TJP1: variants seen among roughly 807,000 people sequenced by gnomAD.
TJP1 encodes tight junction protein ZO-1.
Under a neutral mutation model 194.2 loss-of-function variants are expected in TJP1, and 43 were observed. The observed-to-expected ratio is 0.22, with a 90% confidence interval of 0.17 to 0.29. The LOEUF is 0.29. TJP1 is among the 10% of genes least tolerant of loss of function. The probability of loss-of-function intolerance (pLI) is 1.00; values close to 1 mark genes in which losing one functional copy is unlikely to be tolerated. For synonymous variants in TJP1, 801 were observed against 779.0 expected, an observed-to-expected ratio of 1.03 and a Z score of -0.47; for missense variants, 1,971 against 2,185.7, an observed-to-expected ratio of 0.90 and a Z score of 1.96.
intron 1 of TJP1, among the ~76,000 whole-genome samples, chr15:29,811,716 T>C (rs1021444816): frequency 1.3e-5 from 2 of 150,876 alleles, no homozygotes; most frequent in African/African-American, 4.8e-5. Context: ...TCTGAAACCA[T>C]AAAACATCTT....
chr15:29,950,114 TCCACAACCACC>T lies in TJP1; in HGVS notation c.306+6107_306+6117del, dbSNP rs2055650338. 2.9e-4 allele frequency among the ~76,000 whole-genome samples: 5 copies of T among 17,368 alleles called. 1 individual carries two copies. The highest frequency in any genetic ancestry group is 4.4e-3 in the South Asian group (2 of 458). 11.4% of individuals were successfully genotyped at this position (17,368 alleles called of 152,430 possible). The stretch of plus-strand genomic sequence containing the variant: ...CACCACCACCTCCACCACCACCACC[TCCACAACCACC>T]ACCTCCACCACCACCACAACCACCA... On this transcript the variant is annotated intron_variant, in intron 2 of 28. Transcript: ENST00000356107.
intron 2 of TJP1, among the ~76,000 whole-genome samples, chr15:29,847,066 A>G (rs2051440310): frequency 6.6e-6 from 1 of 152,220 alleles, no homozygotes; most frequent in African/African-American, 2.4e-5. Flanking sequence ...GCAAAGCAAC[A>G]TAGTACAAAA....
intron 2 of TJP1, among the ~76,000 whole-genome samples, chr15:29,905,646 G>A (rs2053783070): frequency 6.6e-6 from 1 of 152,084 alleles, no homozygotes; most frequent in Admixed American, 6.6e-5. Flanking sequence ...AACAAACTGT[G>A]GTACATTTAT....
intron 2 of TJP1, among the ~76,000 whole-genome samples, chr15:29,890,713 TCA>T (rs2053276138): frequency 6.6e-6 from 1 of 152,266 alleles, no homozygotes; most frequent in East Asian, 1.9e-4. Flanking sequence ...CTCTAGTCCT[TCA>T]CAGAGGACTT....
intron 2 of TJP1, among the ~76,000 whole-genome samples, chr15:29,928,720 G>T (rs564705954): frequency 6.6e-6 from 1 of 152,146 alleles, no homozygotes; most frequent in African/African-American, 2.4e-5. Flanking sequence ...AAGGCGGGCA[G>T]ATCACGAGGT....
At chr15:29,940,745 T>C (rs2055043680) in intron 2 of TJP1, among the ~76,000 whole-genome samples, 1 of 152,236 alleles carries the variant, frequency 6.6e-6, no homozygotes, top group Non-Finnish European at 1.5e-5. Context: ...TAAAAAAGAA[T>C]GACTTCCATA....
Position 29,762,318 on chromosome 15 carries a change from TAAGA to T in TJP1, c.693+13_693+16del. 6.3e-7 allele frequency: 1 copy of T among 1,587,008 alleles called. No individual in the cohort carries two copies. Among genetic ancestry groups the T allele is most frequent in the Non-Finnish European group, 8.6e-7 (1 of 1,159,692 alleles). On this transcript the variant is annotated intron_variant, in intron 6 of 27. Coordinates refer to ENST00000614355, the MANE Select transcript of TJP1 (RefSeq NM_001330239.4). The stretch of plus-strand genomic sequence containing the variant: ...TTTTCTATTTCAGTTCATTAAAAAG[TAAGA>T]ATATGATTATACCTTCAATACAACA...
intron 8 of TJP1, among the ~76,000 whole-genome samples, chr15:29,746,191 CG>C (rs529560775): frequency 1.7e-4 from 26 of 152,098 alleles, no homozygotes; most frequent in African/African-American, 5.5e-4. Context: ...ATCCTGGCTA[CG>C]GGTGAAACCC....
chr15:29,868,933 G>A (rs1027703514), intron 2 of TJP1, among the ~76,000 whole-genome samples: 1 of 152,110 alleles, frequency 6.6e-6, no homozygotes, highest in Middle Eastern at 3.4e-3. Flanking sequence ...AGAAATAATC[G>A]ACACAGCTCA....
chr15:29,782,917 G>A (rs984588316), intron 2 of TJP1, among the ~76,000 whole-genome samples: 1 of 141,792 alleles, frequency 7.1e-6, no homozygotes, highest in African/African-American at 2.6e-5. Flanking sequence ...AAAAAAACAC[G>A]TTGCCAATAA....
chr15:29,733,721 G>A (rs538454504), intron 12 of TJP1, among the ~76,000 whole-genome samples: 2 of 152,272 alleles, frequency 1.3e-5, no homozygotes, highest in East Asian at 3.9e-4. Flanking sequence ...GAAAGGGTAA[G>A]GGGTGTGTGC....
At chr15:29,758,618 T>C (rs1479316110) in intron 8 of TJP1, among the ~76,000 whole-genome samples, 2 of 152,188 alleles carry the variant, frequency 1.3e-5, no homozygotes, top group African/African-American at 4.8e-5. Flanking sequence ...CATGTCCAAA[T>C]TACTTAAGCA....
intron 8 of TJP1, among the ~76,000 whole-genome samples, chr15:29,747,854 C>T (rs1406729475): frequency 6.6e-6 from 1 of 152,176 alleles, no homozygotes. Flanking sequence ...TTATCTTTGG[C>T]CAATTTGCAT....
chr15:29,875,068 A>G (rs1025774212), intron 2 of TJP1, among the ~76,000 whole-genome samples: 2 of 152,212 alleles, frequency 1.3e-5, no homozygotes, highest in African/African-American at 4.8e-5. Context: ...AAATCCTATT[A>G]CATAAAGATT....
intron 24 of TJP1, among the ~76,000 whole-genome samples, chr15:29,709,756 C>T (rs1595567054): frequency 6.6e-6 from 1 of 152,180 alleles, no homozygotes; most frequent in Non-Finnish European, 1.5e-5. Flanking sequence ...AACATGAGGT[C>T]CTTCCTCCTT....
rs1196572339 is a variant in TJP1, at chr15:29,876,318, G to A, written c.307-75616C>T. 2.6e-5 allele frequency among the ~76,000 whole-genome samples: 4 copies of A among 152,024 alleles called. No homozygotes were observed. In the East Asian group the frequency reaches 5.8e-4, roughly 22 times the overall value. The stretch of plus-strand genomic sequence containing the variant: ...GTGGATCACCTGAGGTTAGGAGTTC[G>A]AAACCAGCTTGACCAACATGGTGAA... On this transcript the variant is annotated intron_variant, in intron 2 of 28. Coordinates refer to the TJP1 transcript ENST00000356107.
chr15:29,834,142 A>G lies in TJP1; in HGVS notation c.307-33440T>C, dbSNP rs543277515. On this transcript the variant is annotated intron_variant, in intron 2 of 28. Coordinates refer to the TJP1 transcript ENST00000356107. ...GTGATCGGCCCACCTCGGCTTCCCA[A>G]TGTGCTGGGATTACAGGCATGAGCC... Among the ~76,000 whole-genome samples, 696 of 150,594 alleles carry G rather than the reference A, an allele frequency of 4.6e-3. 3 individuals carry two copies. Among genetic ancestry groups the G allele is most frequent in the Admixed American group, 7.6e-3 (114 of 15,018 alleles).
intron 2 of TJP1, among the ~76,000 whole-genome samples, chr15:29,830,635 A>C (rs2050809362): frequency 6.6e-6 from 1 of 151,816 alleles, no homozygotes; most frequent in African/African-American, 2.4e-5. Flanking sequence ...TAAAATAAAA[A>C]AAGTTAAGAT....
chr15:29,704,071 G>C (rs2041732019), intron 27 of TJP1, 91 bp downstream of exon 27: 2 of 1,369,496 alleles, frequency 1.5e-6, no homozygotes, highest in African/African-American at 1.4e-5. Flanking sequence ...ATAGAGATTT[G>C]CTAACACACA....
Sources: allele counts gnomAD v4.1 joint callset (sites outside exome capture counted in the v4.1 genomes callset), GRCh38; gene constraint gnomAD v4.1.1; transcripts MANE v1.5; gene names NCBI Gene and HGNC (gene_info 2026-07-23, HGNC 2026-07-21).